The following IFT43 variants were observed in gnomAD, a reference collection of about 807,000 sequenced individuals.
The protein encoded by IFT43 is intraflagellar transport 43.
IFT43 carries 33 observed loss-of-function variants against 32.3 expected under a neutral mutation model. The ratio of observed to expected loss-of-function variants is 1.02; its 90% CI spans 0.77 to 1.37. The LOEUF is 1.37. IFT43 is among the 40% of genes most tolerant of loss of function. The pLI is 0.00. For synonymous variants in IFT43, 93 were observed against 98.2 expected, an observed-to-expected ratio of 0.95 and a Z score of 0.31; for missense variants, 274 against 265.9, an observed-to-expected ratio of 1.03 and a Z score of -0.21.
intron 4 of IFT43, 36 bp downstream of exon 4, chr14:76,058,710 A>C: frequency 6.2e-7 from 1 of 1,609,416 alleles, no homozygotes; most frequent in Non-Finnish European, 8.5e-7. Context: ...ATGGTATCCT[A>C]TGTTGATCTT....
At chr14:76,010,903 C>A (rs10146195) in intron 2 of IFT43, among the ~76,000 whole-genome samples, 120,425 of 146,606 alleles carry the variant, frequency 0.82, 49,176 homozygotes, top group Non-Finnish European at 0.84. Context: ...CCTCACTTCT[C>A]CTTTTTTTTT....
At chr14:76,041,478 T>A (rs998661332) in intron 3 of IFT43, among the ~76,000 whole-genome samples, 2 of 152,250 alleles carry the variant, frequency 1.3e-5, no homozygotes, top group Admixed American at 6.5e-5. Flanking sequence ...AGTGTTTCTG[T>A]TAAGTGCTTG....
At chr14:76,023,825 CAT>C (rs1469090790) in intron 3 of IFT43, among the ~76,000 whole-genome samples, 3 of 152,194 alleles carry the variant, frequency 2.0e-5, no homozygotes, top group Non-Finnish European at 4.4e-5. Context: ...TTGTGAACTA[CAT>C]TAAAGCCTTA....
rs151137087 is a variant in IFT43 at position 75,988,966 on chromosome 14, C to T, written c.136C>T (p.Leu46=). 6.0e-4 allele frequency: 968 copies of T among 1,613,668 alleles called. No individual in the cohort carries two copies. Among genetic ancestry groups the T allele is most frequent in the Non-Finnish European group, 7.9e-4 (930 of 1,179,942 alleles). Residue 46 remains leucine (L), a synonymous_variant, in exon 2 of 9, where the codon CTG becomes TTG. Transcript: ENST00000314067. ...HLNGKNSSLT[L]TGETSSAKLP... ...CAATGGCAAGAATTCCTCTTTGACTCTGACTGGAGAGGTGGGTGCTAAAAA... is the reference window on the plus strand; with the variant it reads ...CAATGGCAAGAATTCCTCTTTGACTTTGACTGGAGAGGTGGGTGCTAAAAA...
At chr14:75,992,269 T>C (rs977878409) in intron 2 of IFT43, among the ~76,000 whole-genome samples, 1 of 152,208 alleles carries the variant, frequency 6.6e-6, no homozygotes, top group African/African-American at 2.4e-5. Context: ...TTTCATTATC[T>C]GTCAAATAGT....
At chr14:75,989,011 T>C in intron 2 of IFT43, 34 bp downstream of exon 2, 1 of 1,611,028 alleles carries the variant, frequency 6.2e-7, no homozygotes, top group Non-Finnish European at 8.5e-7. Context: ...TCTGAAGAAA[T>C]ACTGTTTAAG....
At chr14:75,999,277 A>T (rs1310305777) in intron 2 of IFT43, among the ~76,000 whole-genome samples, 1,519 of 18,258 alleles carry the variant, frequency 0.083, 152 homozygotes, top group African/African-American at 0.21. Flanking sequence ...ATATATGTAT[A>T]TATATTTTTT....
chr14:76,041,211 C>G (rs2036699720), intron 3 of IFT43, among the ~76,000 whole-genome samples: 1 of 152,164 alleles, frequency 6.6e-6, no homozygotes, highest in African/African-American at 2.4e-5. Context: ...CTTTACAGTT[C>G]TAGTTTTGCA....
At chr14:76,036,054 G>A (rs141963275) in intron 3 of IFT43, among the ~76,000 whole-genome samples, 16 of 152,284 alleles carry the variant, frequency 1.1e-4, no homozygotes, top group African/African-American at 3.1e-4. Flanking sequence ...AAAGCTTGAC[G>A]ATATATAAAT....
chr14:76,074,891 G>A (rs1009146567), intron 5 of IFT43, among the ~76,000 whole-genome samples: 2 of 152,178 alleles, frequency 1.3e-5, no homozygotes, highest in African/African-American at 4.8e-5. Flanking sequence ...CCCATTGTCA[G>A]CCAAGAGAGC....
chr14:76,075,259 G>A (rs140603912), intron 5 of IFT43, among the ~76,000 whole-genome samples: 8 of 152,282 alleles, frequency 5.3e-5, no homozygotes, highest in African/African-American at 9.6e-5. Flanking sequence ...TGCCAGTAAC[G>A]AGCACAGCCC....
chr14:75,986,029 G>T, intron 1 of IFT43, 189 bp downstream of exon 1: 1 of 1,525,590 alleles, frequency 6.6e-7, no homozygotes, highest in Non-Finnish European at 8.8e-7. Flanking sequence ...CTGGCCTGGG[G>T]TTTGCTTTCT....
At chr14:76,078,259 CT>C (rs1399123575) in intron 5 of IFT43, among the ~76,000 whole-genome samples, 1 of 152,138 alleles carries the variant, frequency 6.6e-6, no homozygotes, top group Non-Finnish European at 1.5e-5. Context: ...CATTTTAAAC[CT>C]TTCTATAGCA....
intron 2 of IFT43, among the ~76,000 whole-genome samples, chr14:76,009,299 A>G (rs2036035630): frequency 6.6e-6 from 1 of 152,258 alleles, no homozygotes; most frequent in Non-Finnish European, 1.5e-5. Flanking sequence ...TAGTTTCCTC[A>G]TCAGTAAACT....
At chr14:76,046,499 C>T (rs762687043) in intron 3 of IFT43, among the ~76,000 whole-genome samples, 1 of 152,102 alleles carries the variant, frequency 6.6e-6, no homozygotes, top group Non-Finnish European at 1.5e-5. Context: ...ACCCAGCCAG[C>T]ACCCATCTCA....
chr14:76,054,135 A>G (rs2036966152), intron 3 of IFT43, among the ~76,000 whole-genome samples: 1 of 152,228 alleles, frequency 6.6e-6, no homozygotes, highest in African/African-American at 2.4e-5. Flanking sequence ...CTACGTGACT[A>G]GGTCCCATTT....
rs1178710230 is a variant in IFT43 at position 76,083,682 on chromosome 14, A to G, written c.*105A>G. ...ACCTGGAATATTTTGTAATAAAAATATTTATATTCAGTCAACCACATTGGA... is the reference window on the plus strand; with the variant it reads ...ACCTGGAATATTTTGTAATAAAAATGTTTATATTCAGTCAACCACATTGGA... On this transcript the variant is annotated 3_prime_UTR_variant, in exon 9 of 9. Transcript: ENST00000314067. The G allele has an allele frequency of 5.6e-6, 6 of 1,076,724 alleles. No homozygotes were observed. Among genetic ancestry groups the G allele is most frequent in the Non-Finnish European group, 8.3e-6 (6 of 725,174 alleles). 66.7% of individuals were successfully genotyped at this position (1,076,724 alleles called of 1,614,324 possible).
chr14:76,040,915 C>T (rs2036694364), intron 3 of IFT43, among the ~76,000 whole-genome samples: 1 of 152,208 alleles, frequency 6.6e-6, no homozygotes, highest in Admixed American at 6.5e-5. Flanking sequence ...AGGGAAAGGA[C>T]AGCTGAGACC....
chr14:76,011,032 A>G (rs1376499449), intron 2 of IFT43, among the ~76,000 whole-genome samples: 1 of 151,586 alleles, frequency 6.6e-6, no homozygotes, highest in East Asian at 1.9e-4. Context: ...CCTCCTGAGT[A>G]GCTGGTATTA....
Sources: gnomAD v4.1 joint callset for allele counts (sites outside exome capture counted in the v4.1 genomes callset) on GRCh38, gnomAD v4.1.1 for gene constraint, MANE v1.5 for transcripts, NCBI Gene and HGNC (gene_info 2026-07-23, HGNC 2026-07-21) for gene names.